The following GABRB1 variants were observed in gnomAD, a reference collection of about 807,000 sequenced individuals.
GABRB1 encodes gamma-aminobutyric acid type A receptor subunit beta1, also known as gamma-aminobutyric acid receptor subunit beta-1.
In GABRB1, 17 loss-of-function variants were observed where a neutral mutation model predicts 51.6. The observed-to-expected ratio is 0.33, with a 90% CI of 0.23 to 0.49. GABRB1 has a LOEUF of 0.49. GABRB1 is among the 20% of genes least tolerant of loss of function. GABRB1 has a pLI of 0.99. For missense variants in GABRB1, 410 were observed against 600.6 expected (o/e 0.68, Z 3.32); for synonymous variants, 247 against 218.9 (o/e 1.13, Z -1.14).
Position 47,383,490 on chromosome 4 carries a change from TA to T in GABRB1, c.545-19818del, listed in dbSNP as rs201254882. Among the ~76,000 whole-genome samples the T allele has an allele frequency of 1.5e-3, 217 of 148,980 alleles. 1 individual carries two copies. The highest frequency in any genetic ancestry group is 5.3e-3 in the South Asian group (25 of 4,716). On this transcript the variant is annotated intron_variant, in intron 5 of 8. Coordinates refer to ENST00000295454, the MANE Select transcript of GABRB1 (RefSeq NM_000812.4). ...TGAGACTAAAATGATAGATTATACC[TA>T]AAAAAAAAATCAGGGACTAGGCAAA...
At chr4:47,234,619 C>T (rs919859138) in intron 4 of GABRB1, among the ~76,000 whole-genome samples, 1 of 152,088 alleles carries the variant, frequency 6.6e-6, no homozygotes, top group Non-Finnish European at 1.5e-5. Context: ...CATCACTTTT[C>T]CTGCTTTGTA....
At chr4:47,215,961 T>C (rs1403766498) in intron 4 of GABRB1, among the ~76,000 whole-genome samples, 1 of 152,032 alleles carries the variant, frequency 6.6e-6, no homozygotes, top group Non-Finnish European at 1.5e-5. Context: ...GTGGATGATA[T>C]CACATTTTAT....
intron 4 of GABRB1, among the ~76,000 whole-genome samples, chr4:47,195,463 A>AT (rs1262513406): frequency 6.3e-5 from 5 of 78,906 alleles, no homozygotes; most frequent in Non-Finnish European, 2.7e-5. Context: ...AGATTAGATG[A>AT]TAGATAGATA....
intron 4 of GABRB1, among the ~76,000 whole-genome samples, chr4:47,167,450 G>A (rs759742786): frequency 6.6e-6 from 1 of 151,808 alleles, no homozygotes; most frequent in African/African-American, 2.4e-5. Flanking sequence ...TCTCCTCCTA[G>A]CCCCTACAAT....
intron 4 of GABRB1, among the ~76,000 whole-genome samples, chr4:47,294,174 G>A (rs1032168324): frequency 6.6e-6 from 1 of 152,184 alleles, no homozygotes; most frequent in African/African-American, 2.4e-5. Flanking sequence ...CCCAGCATGA[G>A]CAACGCAGAA....
intron 3 of GABRB1, among the ~76,000 whole-genome samples, chr4:47,138,273 A>G (rs1199149568): frequency 3.3e-5 from 5 of 152,046 alleles, no homozygotes; most frequent in Admixed American, 2.6e-4. Flanking sequence ...TTTGGGACCA[A>G]TGTTCTGAAG....
chr4:47,053,745 C>A (rs1045019565), intron 3 of GABRB1, among the ~76,000 whole-genome samples: 1 of 152,136 alleles, frequency 6.6e-6, no homozygotes, highest in Non-Finnish European at 1.5e-5. Context: ...AGATTTCAGC[C>A]ACCACTCCCA....
At position 47,009,550 on chromosome 4, in the gene GABRB1, T is replaced by TAATA. The variant is rs547102063; in HGVS notation, c.-20+15626_-20+15629dup. On this transcript the variant is annotated intron_variant, in intron 1 of 3. Coordinates refer to the GABRB1 transcript ENST00000513567. Reference sequence around the variant, plus strand: ...GAAGAAAAAAATAGAACTTGAGAGCTAATAAGTCCAGTTGTAGAAACCAAG... The same window carrying TAATA: ...GAAGAAAAAAATAGAACTTGAGAGCTAATAAATAAGTCCAGTTGTAGAAACCAAG... Among the ~76,000 whole-genome samples the TAATA allele has an allele frequency of 6.6e-3, 998 of 152,320 alleles. 9 individuals carry two copies. The highest frequency in any genetic ancestry group is 0.021 in the African/African-American group (874 of 41,564).
intron 5 of GABRB1, among the ~76,000 whole-genome samples, chr4:47,355,361 G>T (rs914728497): frequency 2.0e-5 from 3 of 151,940 alleles, no homozygotes; most frequent in Non-Finnish European, 2.9e-5. Context: ...TGTGCACAAT[G>T]TGCAGGTAGT....
chr4:47,368,202 A>T (rs1727056738), intron 5 of GABRB1, among the ~76,000 whole-genome samples: 1 of 152,160 alleles, frequency 6.6e-6, no homozygotes, highest in Non-Finnish European at 1.5e-5. Context: ...ATGCAGCCTA[A>T]CTAGGAGTCA....
At chr4:47,115,478 A>G (rs996103422) in intron 3 of GABRB1, among the ~76,000 whole-genome samples, 42 of 151,548 alleles carry the variant, frequency 2.8e-4, no homozygotes, top group Non-Finnish European at 5.1e-4. Flanking sequence ...TGTGAATTGG[A>G]ACAATTGACT....
At chr4:47,025,035 T>G (rs1019799090) in intron 1 of GABRB1, among the ~76,000 whole-genome samples, 2 of 148,652 alleles carry the variant, frequency 1.3e-5, no homozygotes, top group Admixed American at 1.4e-4. Flanking sequence ...TTTTAAAATT[T>G]ACAATTACAT....
At chr4:47,165,578 C>A (rs1718147866) in intron 4 of GABRB1, among the ~76,000 whole-genome samples, 1 of 152,102 alleles carries the variant, frequency 6.6e-6, no homozygotes, top group African/African-American at 2.4e-5. Context: ...AAGACCCAGC[C>A]CAATTTTTAA....
chr4:47,425,842 G>T lies in GABRB1; in HGVS notation c.1249G>T (p.Ala417Ser), dbSNP rs370421589. The T allele has an allele frequency of 1.2e-6, 2 of 1,613,896 alleles. No individual in the cohort carries two copies. The highest frequency in any genetic ancestry group is 1.7e-6 in the Non-Finnish European group (2 of 1,179,992). Residue 417 changes from alanine to serine, a missense_variant, in exon 9 of 9, where the codon GCC becomes TCC. Coordinates refer to ENST00000295454, the MANE Select transcript of GABRB1 (RefSeq NM_000812.4). Reference sequence around the variant, plus strand: ...GAGCAGCCGCGAGGCCTACGGGCGCGCCCTGGACCGGCACGGGGTACCCAG... The same window carrying T: ...GAGCAGCCGCGAGGCCTACGGGCGCTCCCTGGACCGGCACGGGGTACCCAG... ...PLSSREAYGR[A>S]LDRHGVPSKG...
intron 3 of GABRB1, among the ~76,000 whole-genome samples, chr4:47,150,130 G>GA (rs1011954328): frequency 6.7e-6 from 1 of 150,164 alleles, no homozygotes; most frequent in Admixed American, 6.7e-5. Context: ...ATCGTACAAA[G>GA]AAAAAAAATG....
At chr4:47,258,158 T>C (rs986554022) in intron 4 of GABRB1, among the ~76,000 whole-genome samples, 1 of 152,166 alleles carries the variant, frequency 6.6e-6, no homozygotes, top group Admixed American at 6.6e-5. Flanking sequence ...ATTTTTATTA[T>C]AGAGTGTCAT....
In GABRB1 at chr4:47,426,149, AT is replaced by A. The variant is rs2109342270; in HGVS notation, c.*132del. The A allele has an allele frequency of 1.4e-6, 1 of 707,812 alleles. No homozygotes were observed. Among genetic ancestry groups the A allele is most frequent in the East Asian group, 2.7e-5 (1 of 36,710 alleles). The allele number at this position is 707,812 out of a possible 1,614,324, so 43.8% of individuals were successfully genotyped here. ...CCATCCAATTGGTTTTAGGTCTTGCATATCAGTTTTATTACTGCACCATGTT... is the reference window on the plus strand; with the variant it reads ...CCATCCAATTGGTTTTAGGTCTTGCAATCAGTTTTATTACTGCACCATGTT... On this transcript the variant is annotated 3_prime_UTR_variant, in exon 9 of 9. Coordinates refer to ENST00000295454, the MANE Select transcript of GABRB1 (RefSeq NM_000812.4).
At chr4:47,138,106 C>G (rs1206147215) in intron 3 of GABRB1, among the ~76,000 whole-genome samples, 1 of 151,992 alleles carries the variant, frequency 6.6e-6, no homozygotes, top group African/African-American at 2.4e-5. Context: ...ACCACTGATT[C>G]TCCATGAAAC....
At position 47,391,457 on chromosome 4, in the gene GABRB1, A is replaced by G. The variant is rs189398375; in HGVS notation, c.545-11861A>G. Among the ~76,000 whole-genome samples the G allele has an allele frequency of 5.2e-3, 793 of 152,176 alleles. 7 individuals carry two copies. The highest frequency in any genetic ancestry group is 0.017 in the African/African-American group (724 of 41,524). On this transcript the variant is annotated intron_variant, in intron 5 of 8. Coordinates refer to ENST00000295454, the MANE Select transcript of GABRB1 (RefSeq NM_000812.4). ...ATAATGTGAGGTGCTGTTTTGACTC[A>G]CCCTTCTCCCCACCTCAACTGCAAG...
Sources: gnomAD v4.1 joint callset for allele counts (sites outside exome capture counted in the v4.1 genomes callset) on GRCh38, gnomAD v4.1.1 for gene constraint, MANE v1.5 for transcripts, NCBI Gene and HGNC (gene_info 2026-07-23, HGNC 2026-07-21) for gene names.